MAGI2: variants seen among roughly 807,000 people sequenced by gnomAD.
The protein encoded by MAGI2 is membrane associated guanylate kinase, WW and PDZ domain containing 2.
A neutral mutation model predicts 133.3 loss-of-function variants in MAGI2; 35 were observed. The ratio of observed to expected loss-of-function variants is 0.26; its 90% CI spans 0.20 to 0.35. The LOEUF (loss-of-function observed/expected upper bound fraction) is 0.35, where lower values mean the gene tolerates loss of function less well. Among genes scored for constraint, MAGI2 ranks in the 10% least tolerant of loss-of-function variants. The probability of loss-of-function intolerance (pLI) is 1.00; values close to 1 mark genes in which losing one functional copy is unlikely to be tolerated. For missense variants in MAGI2, 1,636 were observed against 1,863.4 expected (o/e 0.88, Z 2.25); for synonymous variants, 729 against 710.6 (o/e 1.03, Z -0.41).
chr7:78,448,637 CTT>C lies in MAGI2; in HGVS notation c.1045+41122_1045+41123del, dbSNP rs377535665. On this transcript the variant is annotated intron_variant, in intron 6 of 21. Coordinates refer to ENST00000354212, the MANE Select transcript of MAGI2 (RefSeq NM_012301.4). ...ACAAGGTGCCATTTCAAAAAATTCT[CTT>C]GTCTTAAGACAGAATTTGGGTCCTC... Among the ~76,000 whole-genome samples, 41 of 152,028 alleles carry C rather than the reference CTT, an allele frequency of 2.7e-4. 1 individual carries two copies. Among genetic ancestry groups the C allele is most frequent in the African/African-American group, 9.9e-4 (41 of 41,540 alleles).
intron 1 of MAGI2, among the ~76,000 whole-genome samples, chr7:79,258,400 C>A (rs1334319688): frequency 6.6e-6 from 1 of 152,166 alleles, no homozygotes; most frequent in African/African-American, 2.4e-5. Context: ...CATTATATTA[C>A]TCCCAATATC....
intron 1 of MAGI2, among the ~76,000 whole-genome samples, chr7:79,174,815 A>T (rs1173208405): frequency 6.6e-6 from 1 of 151,988 alleles, no homozygotes; most frequent in Non-Finnish European, 1.5e-5. Flanking sequence ...TAGACAACAA[A>T]AAAGTAAATA....
intron 1 of MAGI2, among the ~76,000 whole-genome samples, chr7:79,137,358 C>G (rs1821675197): frequency 6.6e-6 from 1 of 151,802 alleles, no homozygotes; most frequent in African/African-American, 2.4e-5. Flanking sequence ...CATGGGAGCT[C>G]TTAATCCTGC....
intron 16 of MAGI2, among the ~76,000 whole-genome samples, chr7:78,136,029 T>A (rs1352995228): frequency 6.6e-6 from 1 of 152,162 alleles, no homozygotes; most frequent in Non-Finnish European, 1.5e-5. Flanking sequence ...GCTCTCCAAC[T>A]GTCAAAATAT....
At chr7:78,665,565 GA>G (rs1397146289) in intron 2 of MAGI2, among the ~76,000 whole-genome samples, 1 of 152,158 alleles carries the variant, frequency 6.6e-6, no homozygotes, top group Non-Finnish European at 1.5e-5. Flanking sequence ...ACATATATTA[GA>G]AGGTTGATTT....
At chr7:78,629,183 G>T (rs1371595792) in intron 2 of MAGI2, among the ~76,000 whole-genome samples, 1 of 152,076 alleles carries the variant, frequency 6.6e-6, no homozygotes, top group African/African-American at 2.4e-5. Context: ...TCACTAAGTG[G>T]CTTTCCATCT....
intron 16 of MAGI2, among the ~76,000 whole-genome samples, chr7:78,159,073 A>T (rs759591309): frequency 1.3e-5 from 2 of 152,048 alleles, no homozygotes; most frequent in Non-Finnish European, 2.9e-5. Flanking sequence ...CCAAGCCCCT[A>T]CCCACCAAAT....
chr7:79,445,807 A>C (rs1586012605), intron 1 of MAGI2, among the ~76,000 whole-genome samples: 2 of 152,310 alleles, frequency 1.3e-5, no homozygotes, highest in Middle Eastern at 3.4e-3. Context: ...CCAGCCATCC[A>C]ATTACTGGGT....
chr7:78,876,431 G>A (rs954456335), intron 2 of MAGI2, among the ~76,000 whole-genome samples: 1 of 151,556 alleles, frequency 6.6e-6, no homozygotes, highest in South Asian at 2.1e-4. Context: ...ATAATCATTT[G>A]AGAAATAATG....
chr7:78,281,976 C>T (rs1795647611), intron 9 of MAGI2, among the ~76,000 whole-genome samples: 2 of 151,512 alleles, frequency 1.3e-5, no homozygotes, highest in South Asian at 4.2e-4. Context: ...ACTGTGAGTT[C>T]TTTCAAGAGA....
rs571446314 is a variant in MAGI2 at position 78,082,048 on chromosome 7, C to T, written c.3568-2963G>A. On this transcript the variant is annotated intron_variant, in intron 20 of 21. Coordinates refer to ENST00000354212, the MANE Select transcript of MAGI2 (RefSeq NM_012301.4). ...GGGAGGTATAAACCCCCTCGAACCC[C>T]AAATCGAATCTTGACAGCCACTGCC... Among the ~76,000 whole-genome samples the T allele has an allele frequency of 7.9e-4, 121 of 152,264 alleles. No individual in the cohort carries two copies. In the Middle Eastern group the frequency reaches 0.01, roughly 13 times the overall value.
chr7:78,484,718 A>G (rs2362612), intron 6 of MAGI2: 80,426 of 151,486 alleles, frequency 0.53, 23,066 homozygotes, highest in East Asian at 0.82. Flanking sequence ...GGGCTCATTT[A>G]CTGTCTCAGA....
At chr7:78,354,702 T>C (rs1397292922) in intron 7 of MAGI2, among the ~76,000 whole-genome samples, 15 of 152,162 alleles carry the variant, frequency 9.9e-5, no homozygotes, top group Non-Finnish European at 7.4e-5. Flanking sequence ...CAGGAGGAAA[T>C]CAAATATATA....
intron 1 of MAGI2, among the ~76,000 whole-genome samples, chr7:79,054,341 A>C (rs1812944221): frequency 6.6e-6 from 1 of 152,184 alleles, no homozygotes; most frequent in African/African-American, 2.4e-5. Context: ...CAAAATATAA[A>C]TTTATAGCTC....
intron 1 of MAGI2, among the ~76,000 whole-genome samples, chr7:79,390,696 C>T (rs1309352267): frequency 1.3e-5 from 2 of 152,116 alleles, no homozygotes; most frequent in South Asian, 2.1e-4. Flanking sequence ...GGCAGAGTTC[C>T]GTGCAATCCC....
At chr7:78,190,301 G>A (rs1276892675) in intron 12 of MAGI2, among the ~76,000 whole-genome samples, 1 of 152,094 alleles carries the variant, frequency 6.6e-6, no homozygotes, top group Non-Finnish European at 1.5e-5. Flanking sequence ...GATAAAATAT[G>A]TATAGGCAAA....
intron 4 of MAGI2, among the ~76,000 whole-genome samples, chr7:78,507,205 CA>C (rs139504416): frequency 0.056 from 8,552 of 151,550 alleles, 282 homozygotes; most frequent in Middle Eastern, 0.16. Flanking sequence ...CAAAATAAGA[CA>C]AAAAAAATGA....
At chr7:78,723,927 G>C (rs1454075945) in intron 2 of MAGI2, among the ~76,000 whole-genome samples, 1 of 152,058 alleles carries the variant, frequency 6.6e-6, no homozygotes, top group Non-Finnish European at 1.5e-5. Flanking sequence ...ATAACATTGA[G>C]GAGTGTCTAC....
chr7:79,134,478 G>T (rs1459164691), intron 1 of MAGI2, among the ~76,000 whole-genome samples: 2 of 152,092 alleles, frequency 1.3e-5, no homozygotes, highest in African/African-American at 4.8e-5. Flanking sequence ...AGTTTCAGGA[G>T]GTTGGTATAA....
Sources: allele counts gnomAD v4.1 joint callset (sites outside exome capture counted in the v4.1 genomes callset), GRCh38; gene constraint gnomAD v4.1.1; transcripts MANE v1.5; gene names NCBI Gene and HGNC (gene_info 2026-07-23, HGNC 2026-07-21).